Variants in CLSPN observed in about 807,000 individuals in gnomAD.
CLSPN encodes claspin homolog.
Under a neutral mutation model 156.3 loss-of-function variants are expected in CLSPN, and 85 were observed. That is an observed-to-expected ratio of 0.54 (90% CI 0.46 to 0.65). The LOEUF (loss-of-function observed/expected upper bound fraction) is 0.65, where lower values mean the gene tolerates loss of function less well. CLSPN is among the 30% of genes least tolerant of loss of function. The pLI is 0.00. For synonymous variants in CLSPN, 534 were observed against 542.4 expected, an observed-to-expected ratio of 0.98 and a Z score of 0.22; for missense variants, 1,407 against 1,554.9, an observed-to-expected ratio of 0.90 and a Z score of 1.60.
In CLSPN at chr1:35,736,294, A is replaced by G; in HGVS notation, c.*202T>C. 1 of 1,209,640 alleles carries G rather than the reference A, an allele frequency of 8.3e-7. No homozygotes were observed. Among genetic ancestry groups the G allele is most frequent in the Non-Finnish European group, 1.0e-6 (1 of 973,618 alleles). 74.9% of individuals were successfully genotyped at this position (1,209,640 alleles called of 1,614,324 possible). On this transcript the variant is annotated 3_prime_UTR_variant, in exon 25 of 25. Coordinates refer to ENST00000318121, the MANE Select transcript of CLSPN (RefSeq NM_022111.4). ...ATGTTGTAAATACTGCAGAATTGAA[A>G]TCAGTGGCCAATTCAGGGAATAATA...
chr1:35,751,618 A>G, intron 9 of CLSPN, 112 bp from the exon 10 acceptor site: 1 of 1,377,694 alleles, frequency 7.3e-7, no homozygotes, highest in Admixed American at 2.8e-5. Context: ...CTGAGACTCT[A>G]GTATTCTGGG....
rs777669962 is a variant in CLSPN at position 35,739,125 on chromosome 1, A to C, written c.3430+11T>G. 2.5e-6 allele frequency: 4 copies of C among 1,613,982 alleles called. No homozygotes were observed. The African/African-American group carries it at 4.0e-5, about 16-fold the overall frequency. On this transcript the variant is annotated intron_variant, in intron 20 of 24. Coordinates refer to ENST00000318121, the MANE Select transcript of CLSPN (RefSeq NM_022111.4). ...GTAACTGATTGCTTTTAAAGACAAC[A>C]ACCAAGATACCTATGTTTTTCCATC...
In CLSPN at chr1:35,732,987, G is replaced by C. The variant is rs977375046; in HGVS notation, c.*3509C>G. The C allele has an allele frequency of 4.1e-6, 4 of 971,414 alleles. No homozygotes were observed. The East Asian group carries it at 3.4e-4, about 83-fold the overall frequency. 60.2% of individuals were successfully genotyped at this position (971,414 alleles called of 1,614,324 possible). On this transcript the variant is annotated 3_prime_UTR_variant, in exon 25 of 25. Coordinates refer to ENST00000318121, the MANE Select transcript of CLSPN (RefSeq NM_022111.4). ...TCTTTCTTTCTTTTTTTTTTTGAGA[G>C]GGAGTCTCACTCTGTCGCCCATGCT...
chr1:35,738,353 C>CCTAAGATTTTGAAACTATCATGACAAG, intron 21 of CLSPN, 102 bp downstream of exon 21: 1 of 1,239,622 alleles, frequency 8.1e-7, no homozygotes, highest in South Asian at 1.4e-5. Context: ...CAATATGTTG[C>CCTAAGATTTTGAAACTATCATGACAAG]CTAAGATTTT....
At chr1:35,739,638 C>T (rs918518977) in intron 18 of CLSPN, 109 bp from the exon 19 acceptor site, 2 of 741,352 alleles carry the variant, frequency 2.7e-6, no homozygotes, top group Admixed American at 3.1e-5. Flanking sequence ...AAACATAATA[C>T]ATTTGATAAT....
At chr1:35,759,218 G>A (rs1642391659) in intron 8 of CLSPN, among the ~76,000 whole-genome samples, 1 of 152,172 alleles carries the variant, frequency 6.6e-6, no homozygotes, top group South Asian at 2.1e-4. Flanking sequence ...GAAGCACTAG[G>A]GATAGAGTAG....
Position 35,765,216 on chromosome 1 carries a change from A to T in CLSPN, c.133+2T>A. The T allele has an allele frequency of 6.3e-7, 1 of 1,593,146 alleles. No individual in the cohort carries two copies. The highest frequency in any genetic ancestry group is 8.6e-7 in the Non-Finnish European group (1 of 1,161,996). On this transcript the variant is annotated splice_donor_variant, in intron 2 of 24. Coordinates refer to ENST00000318121, the MANE Select transcript of CLSPN (RefSeq NM_022111.4). LOFTEE classifies it high-confidence loss of function. ...CCTAAAAATAAAAGTACTATTACAA[A>T]CCTCCTTCACTCAAGGGTCCAATTG... is the stretch of plus-strand genomic sequence containing the variant.
intron 8 of CLSPN, among the ~76,000 whole-genome samples, chr1:35,755,617 G>A (rs570723446): frequency 2.6e-5 from 4 of 152,084 alleles, no homozygotes; most frequent in African/African-American, 9.6e-5. Context: ...ATGTTGTCCA[G>A]GCTGGTCTTG....
intron 6 of CLSPN, 131 bp from the exon 7 acceptor site, chr1:35,761,335 G>A (rs1384005758): frequency 7.3e-6 from 4 of 551,664 alleles, no homozygotes; most frequent in African/African-American, 2.0e-5. Flanking sequence ...CAAAGGCAGA[G>A]GAGCTAAGTA....
intron 10 of CLSPN, among the ~76,000 whole-genome samples, chr1:35,750,689 G>A (rs114170627): frequency 0.012 from 1,871 of 151,780 alleles, 38 homozygotes; most frequent in African/African-American, 0.043. Context: ...CACCCTGCCC[G>A]GCCCAAAAAG....
chr1:35,751,372 C>G lies in CLSPN; in HGVS notation c.1906G>C (p.Glu636Gln). Residue 636 changes from glutamate to glutamine, a missense_variant, in exon 10 of 25, where the codon GAA becomes CAA. Physicochemically the swap from Glu to Gln is conservative, Grantham distance 29. This residue lies in a region of CLSPN where 1,096 missense variants were observed against 1,193.0 expected (regional missense o/e 0.92). Coordinates refer to ENST00000318121, the MANE Select transcript of CLSPN (RefSeq NM_022111.4). ...TCCTCAGACTCATCTGTCATTTCTT[C>G]CTCTTCCTCCTCCTCTTCCTCAAAC... The part of the protein sequence containing the change: ...DGFEEEEEEE[E>Q]EMTDESEEDG... 6.2e-7 allele frequency: 1 copy of G among 1,610,402 alleles called. No individual in the cohort carries two copies. The highest frequency in any genetic ancestry group is 8.5e-7 in the Non-Finnish European group (1 of 1,177,636).
intron 12 of CLSPN, 139 bp downstream of exon 12, chr1:35,749,328 T>C: frequency 1.3e-6 from 1 of 777,600 alleles, no homozygotes; most frequent in Non-Finnish European, 2.1e-6. Context: ...TTCTAATTCA[T>C]AAACCCTTTT....
intron 18 of CLSPN, among the ~76,000 whole-genome samples, chr1:35,741,905 C>T (rs955998393): frequency 8.2e-6 from 1 of 122,508 alleles, no homozygotes; most frequent in Non-Finnish European, 1.6e-5. Context: ...ACCCGGGAGG[C>T]GGAGGTTGCA....
At position 35,762,378 on chromosome 1, in the gene CLSPN, G is replaced by A. The variant is rs953107811; in HGVS notation, c.822+26C>T. On this transcript the variant is annotated intron_variant, in intron 5 of 24. Transcript: ENST00000318121. The stretch of plus-strand genomic sequence containing the variant: ...ATCTCCTGTGTAAAGAGATCAGTGT[G>A]ACTAATATACAGGGCTCTACCTCAC... 8 of 1,551,288 alleles carry A rather than the reference G, an allele frequency of 5.2e-6. No homozygotes were observed. The African/African-American group carries it at 9.5e-5, about 18-fold the overall frequency.
intron 18 of CLSPN, among the ~76,000 whole-genome samples, 168 bp from the exon 19 acceptor site, chr1:35,739,697 G>T (rs1055574421): frequency 6.6e-6 from 1 of 152,210 alleles, no homozygotes; most frequent in South Asian, 2.1e-4. Flanking sequence ...TTGACTTAAT[G>T]ATTTTTCAAC....
At chr1:35,765,124 T>C (rs1642625272) in intron 2 of CLSPN, 94 bp downstream of exon 2, 1 of 749,190 alleles carries the variant, frequency 1.3e-6, no homozygotes, top group African/African-American at 1.8e-5. Flanking sequence ...GCATTAATAA[T>C]GTAATAAATC....
chr1:35,758,801 C>CTTTTTTTTT (rs34271691), intron 8 of CLSPN, among the ~76,000 whole-genome samples: 3 of 138,304 alleles, frequency 2.2e-5, no homozygotes, highest in Non-Finnish European at 3.1e-5. Context: ...TTTTCTTTTT[C>CTTTTTTTTT]TTTTTTTTTT....
chr1:35,721,451 G>A (rs892325049), intron 24 of CLSPN, among the ~76,000 whole-genome samples: 2 of 152,012 alleles, frequency 1.3e-5, no homozygotes, highest in African/African-American at 2.4e-5. Flanking sequence ...GCAGTGGCGC[G>A]ATCTCAGCTC....
rs1641451616 is a variant in CLSPN at position 35,735,872 on chromosome 1, A to G, written c.*624T>C. 3 of 985,246 alleles carry G rather than the reference A, an allele frequency of 3.0e-6. No homozygotes were observed. The African/African-American group carries it at 5.2e-5, about 17-fold the overall frequency. 61.0% of individuals were successfully genotyped at this position (985,246 alleles called of 1,614,324 possible). ...CCACTTCTATCAATCACAAAGAGAT[A>G]TTAACCCAGAAAGCTGCTACAATAA... On this transcript the variant is annotated 3_prime_UTR_variant, in exon 25 of 25. Coordinates refer to ENST00000318121, the MANE Select transcript of CLSPN (RefSeq NM_022111.4).
Sources: allele counts gnomAD v4.1 joint callset (sites outside exome capture counted in the v4.1 genomes callset), GRCh38; gene constraint gnomAD v4.1.1; regional missense constraint gnomAD v4.1.1; transcripts MANE v1.5; gene names NCBI Gene and HGNC (gene_info 2026-07-23, HGNC 2026-07-21).